Variants in TRIO observed in about 807,000 individuals in gnomAD.
The protein encoded by TRIO is trio Rho guanine nucleotide exchange factor, also known as triple functional domain protein.
TRIO carries 58 observed loss-of-function variants against 351.9 expected under a neutral mutation model. That is an observed-to-expected ratio of 0.16 (90% confidence interval 0.13 to 0.21). TRIO has a LOEUF of 0.21. Among genes scored for constraint, TRIO ranks in the 10% least tolerant of loss-of-function variants. TRIO has a pLI of 1.00. For missense variants in TRIO, 3,201 were observed against 4,027.8 expected, an observed-to-expected ratio of 0.79 and a Z score of 5.56; for synonymous variants, 1,758 against 1,595.7, an observed-to-expected ratio of 1.10 and a Z score of -2.42.
intron 1 of TRIO, among the ~76,000 whole-genome samples, chr5:14,224,550 T>A (rs1377889744): frequency 6.6e-6 from 1 of 152,150 alleles, no homozygotes; most frequent in Non-Finnish European, 1.5e-5. Context: ...GAGACTAGCT[T>A]GGGAAGGCTG....
chr5:14,380,353 G>A (rs1455549639), intron 20 of TRIO, among the ~76,000 whole-genome samples: 1 of 150,132 alleles, frequency 6.7e-6, no homozygotes, highest in Non-Finnish European at 1.5e-5. Flanking sequence ...CTCGCTCCTC[G>A]CTCCTCCCTC....
At chr5:14,436,853 C>T (rs1579650043) in intron 34 of TRIO, among the ~76,000 whole-genome samples, 1 of 152,220 alleles carries the variant, frequency 6.6e-6, no homozygotes, top group Non-Finnish European at 1.5e-5. Context: ...CTTGGCAGGG[C>T]AAAGCCTCCC....
intron 31 of TRIO, among the ~76,000 whole-genome samples, chr5:14,402,286 T>C (rs920188147): frequency 5.9e-5 from 9 of 152,240 alleles, no homozygotes; most frequent in Non-Finnish European, 1.3e-4. Flanking sequence ...ACAGATACTT[T>C]AGCCAGATCT....
At chr5:14,452,882 C>CT (rs141013687) in intron 34 of TRIO, among the ~76,000 whole-genome samples, 6,848 of 151,946 alleles carry the variant, frequency 0.045, 522 homozygotes, top group African/African-American at 0.16. Flanking sequence ...CCTTTCCCTC[C>CT]TTTTTTTAAA....
chr5:14,289,427 G>T (rs369263320), intron 4 of TRIO, among the ~76,000 whole-genome samples: 1 of 152,182 alleles, frequency 6.6e-6, no homozygotes, highest in African/African-American at 2.4e-5. Flanking sequence ...GGTGGCACAC[G>T]TGTAATTCCA....
intron 1 of TRIO, among the ~76,000 whole-genome samples, chr5:14,252,749 A>G (rs541992573): frequency 1.3e-5 from 2 of 152,348 alleles, no homozygotes; most frequent in East Asian, 3.9e-4. Flanking sequence ...CCTCTGAGGC[A>G]GCCTGGCCCC....
At chr5:14,172,883 T>G (rs1561161951) in intron 1 of TRIO, among the ~76,000 whole-genome samples, 1 of 152,128 alleles carries the variant, frequency 6.6e-6, no homozygotes, top group Non-Finnish European at 1.5e-5. Flanking sequence ...GGGATCAGAG[T>G]GGACTCTGGA....
At chr5:14,340,161 G>A (rs1741810166) in intron 11 of TRIO, among the ~76,000 whole-genome samples, 1 of 152,152 alleles carries the variant, frequency 6.6e-6, no homozygotes, top group African/African-American at 2.4e-5. Flanking sequence ...TTGGGAGGCT[G>A]AGGCAGTTGG....
At chr5:14,208,551 C>T (rs921563507) in intron 1 of TRIO, among the ~76,000 whole-genome samples, 11 of 152,166 alleles carry the variant, frequency 7.2e-5, no homozygotes, top group African/African-American at 9.7e-5. Context: ...CATTTCAGAG[C>T]GAAGAAAGTG....
intron 1 of TRIO, among the ~76,000 whole-genome samples, chr5:14,208,117 C>T (rs1020944265): frequency 6.6e-6 from 1 of 152,198 alleles, no homozygotes; most frequent in Admixed American, 6.5e-5. Flanking sequence ...AAAGTTTAAA[C>T]ATAGGCTTAT....
At chr5:14,228,876 A>G (rs1052789528) in intron 1 of TRIO, among the ~76,000 whole-genome samples, 3 of 152,184 alleles carry the variant, frequency 2.0e-5, no homozygotes, top group Non-Finnish European at 2.9e-5. Context: ...ATCTCAAAAA[A>G]AAAGAAAAGA....
At chr5:14,354,287 G>C (rs1484873515) in intron 11 of TRIO, among the ~76,000 whole-genome samples, 1 of 152,208 alleles carries the variant, frequency 6.6e-6, no homozygotes, top group African/African-American at 2.4e-5. Context: ...TGATTTTGCT[G>C]TTTTTCTAGT....
At chr5:14,359,060 GAAGAA>G (rs1743891886) in intron 12 of TRIO, among the ~76,000 whole-genome samples, 1 of 152,126 alleles carries the variant, frequency 6.6e-6, no homozygotes. Context: ...TTTTACTTAA[GAAGAA>G]AAGTGGCTAA....
intron 1 of TRIO, among the ~76,000 whole-genome samples, chr5:14,247,803 C>A (rs1229734215): frequency 6.6e-6 from 1 of 152,096 alleles, no homozygotes; most frequent in East Asian, 1.9e-4. Context: ...CACGGTGGCT[C>A]ACAGCTGTAA....
chr5:14,205,151 C>T (rs1205502616), intron 1 of TRIO, among the ~76,000 whole-genome samples: 3 of 152,338 alleles, frequency 2.0e-5, no homozygotes, highest in East Asian at 3.9e-4. Flanking sequence ...CCCGAAAAAT[C>T]CACAGAACAT....
At position 14,481,226 on chromosome 5, in the gene TRIO, C is replaced by T. The variant is rs746807174; in HGVS notation, c.6337-8C>T. On this transcript the variant is annotated splice_polypyrimidine_tract_variant and splice_region_variant and intron_variant, in intron 43 of 56. Coordinates refer to ENST00000344204, the MANE Select transcript of TRIO (RefSeq NM_007118.4). Reference sequence around the variant, plus strand: ...ACCATTATCATGTCCTCTCCATTTCCCTTGCAGGACTTCCTCAAGTATTCC... The same window carrying T: ...ACCATTATCATGTCCTCTCCATTTCTCTTGCAGGACTTCCTCAAGTATTCC... The T allele has an allele frequency of 3.7e-6, 6 of 1,613,418 alleles. No homozygotes were observed. The highest frequency in any genetic ancestry group is 4.2e-6 in the Non-Finnish European group (5 of 1,179,714).
chr5:14,338,780 G>T (rs1225869437), intron 11 of TRIO, among the ~76,000 whole-genome samples: 1 of 152,178 alleles, frequency 6.6e-6, no homozygotes, highest in Admixed American at 6.5e-5. Flanking sequence ...CAGGCAGCTG[G>T]GAGTGGCTGA....
intron 1 of TRIO, among the ~76,000 whole-genome samples, chr5:14,268,803 G>A (rs2152268274): frequency 6.6e-6 from 1 of 152,312 alleles, no homozygotes; most frequent in East Asian, 1.9e-4. Context: ...TCGCTGGGGA[G>A]CCTTAGTCCT....
In TRIO at chr5:14,488,091, C is replaced by G. The variant is rs748080841; in HGVS notation, c.7463C>G (p.Ser2488Cys). 1 of 1,604,418 alleles carries G rather than the reference C, an allele frequency of 6.2e-7. No homozygotes were observed. Among genetic ancestry groups the G allele is most frequent in the Non-Finnish European group, 8.5e-7 (1 of 1,178,198 alleles). The change falls in exon 48 of 57, where the codon TCC becomes TGC. Residue 2488 changes from serine (S) to cysteine (C), a missense_variant. Physicochemically the swap from Ser to Cys is moderately radical, Grantham distance 112 (BLOSUM62 -1). This residue lies in a region of TRIO where 1,089 missense variants were observed against 954.9 expected (regional missense o/e 1.14). Transcript: ENST00000344204. ...CAGAAGGGGGGCTCCTTCTGGAGCTCCATCCCCGCCTCCCCCGCCAGCCGA... is the reference window on the plus strand; with the variant it reads ...CAGAAGGGGGGCTCCTTCTGGAGCTGCATCCCCGCCTCCCCCGCCAGCCGA... The part of the protein sequence containing the change: ...PLQKGGSFWS[S>C]IPASPASRPG...
Sources: gnomAD v4.1 joint callset for allele counts (sites outside exome capture counted in the v4.1 genomes callset) on GRCh38, gnomAD v4.1.1 for gene constraint, gnomAD v4.1.1 regional missense constraint, MANE v1.5 for transcripts, NCBI Gene and HGNC (gene_info 2026-07-23, HGNC 2026-07-21) for gene names.